Variants in MAGI2 observed in about 807,000 individuals in gnomAD.
MAGI2 encodes membrane-associated guanylate kinase, WW and PDZ domain-containing protein 2.
Under a neutral mutation model 133.3 loss-of-function variants are expected in MAGI2, and 35 were observed. That is an observed-to-expected ratio of 0.26 (90% confidence interval 0.20 to 0.35). The LOEUF is 0.35. MAGI2 is among the 10% of genes least tolerant of loss of function. The pLI is 1.00. For synonymous variants in MAGI2, 729 were observed against 710.6 expected, an observed-to-expected ratio of 1.03 and a Z score of -0.41; for missense variants, 1,636 against 1,863.4, an observed-to-expected ratio of 0.88 and a Z score of 2.25.
chr7:78,319,817 C>A (rs1787812946), intron 9 of MAGI2, among the ~76,000 whole-genome samples: 1 of 152,102 alleles, frequency 6.6e-6, no homozygotes, highest in African/African-American at 2.4e-5. Context: ...AAAAACCCTT[C>A]AAAAATATCA....
intron 6 of MAGI2, among the ~76,000 whole-genome samples, chr7:78,408,400 C>T (rs1797582716): frequency 6.6e-6 from 1 of 152,010 alleles, no homozygotes; most frequent in African/African-American, 2.4e-5. Flanking sequence ...TTCTCTCCTT[C>T]ACTGTATAGT....
chr7:78,221,779 A>C (rs1788854989), intron 10 of MAGI2, among the ~76,000 whole-genome samples: 1 of 151,588 alleles, frequency 6.6e-6, no homozygotes, highest in Admixed American at 6.6e-5. Context: ...GATCGTTTAA[A>C]GCCAAGAGTT....
intron 4 of MAGI2, among the ~76,000 whole-genome samples, chr7:78,502,037 C>A (rs1189799193): frequency 6.6e-6 from 1 of 152,058 alleles, no homozygotes; most frequent in Non-Finnish European, 1.5e-5. Flanking sequence ...ATGTAAGGAC[C>A]ATTTCATAAT....
intron 9 of MAGI2, among the ~76,000 whole-genome samples, chr7:78,331,855 T>G (rs1789237519): frequency 6.6e-6 from 1 of 152,204 alleles, no homozygotes. Flanking sequence ...TGAGCCTTAG[T>G]GCAAATTAAT....
intron 13 of MAGI2, among the ~76,000 whole-genome samples, chr7:78,184,861 T>C (rs1047073876): frequency 3.9e-5 from 6 of 152,232 alleles, no homozygotes; most frequent in African/African-American, 1.2e-4. Flanking sequence ...TGAAATATAG[T>C]ATTTTATAAT....
intron 2 of MAGI2, among the ~76,000 whole-genome samples, chr7:78,694,055 TAG>T (rs926945609): frequency 1.3e-5 from 2 of 152,244 alleles, no homozygotes; most frequent in African/African-American, 4.8e-5. Context: ...TTCCACAATA[TAG>T]AAGCTGCGTG....
intron 1 of MAGI2, among the ~76,000 whole-genome samples, chr7:79,352,273 A>G (rs998209714): frequency 1.3e-5 from 2 of 152,238 alleles, no homozygotes; most frequent in Non-Finnish European, 2.9e-5. Context: ...GAGAATGCAC[A>G]AACAGCTTTG....
At position 78,256,234 on chromosome 7, in the gene MAGI2, C is replaced by T. The variant is rs370187611; in HGVS notation, c.1756G>A (p.Val586Ile). Residue 586 changes from valine (V) to isoleucine (I), a missense_variant, in exon 10 of 22, where the codon GTC (valine) becomes ATC (isoleucine). Coordinates refer to ENST00000354212, the MANE Select transcript of MAGI2 (RefSeq NM_012301.4). ...GCCATAGACACATTGTCATCATGGACGGGCGGTGGATACGTGCCGTCTAGC... is the reference window on the plus strand; with the variant it reads ...GCCATAGACACATTGTCATCATGGATGGGCGGTGGATACGTGCCGTCTAGC... ...GQLDGTYPPP[V>I]HDDNVSMASS... is the part of the protein sequence containing the mutation. 37 of 1,614,010 alleles carry T rather than the reference C, an allele frequency of 2.3e-5. No individual in the cohort carries two copies. Among genetic ancestry groups the T allele is most frequent in the Admixed American group, 3.3e-5 (2 of 60,012 alleles).
chr7:78,709,660 T>C (rs1050669648), intron 2 of MAGI2, among the ~76,000 whole-genome samples: 1 of 152,230 alleles, frequency 6.6e-6, no homozygotes, highest in African/African-American at 2.4e-5. Flanking sequence ...GGAGCTTAGT[T>C]GAAATAGGCC....
intron 2 of MAGI2, among the ~76,000 whole-genome samples, chr7:78,944,136 T>C (rs936544191): frequency 6.6e-6 from 1 of 152,136 alleles, no homozygotes; most frequent in African/African-American, 2.4e-5. Context: ...ACTTAGACAA[T>C]ATGGTAGGTT....
At chr7:78,914,858 A>G (rs1798669726) in intron 2 of MAGI2, among the ~76,000 whole-genome samples, 1 of 152,156 alleles carries the variant, frequency 6.6e-6, no homozygotes, top group Non-Finnish European at 1.5e-5. Flanking sequence ...TAACTTGACA[A>G]TGTCAAAGAG....
At chr7:78,916,758 T>C (rs1379401794) in intron 2 of MAGI2, among the ~76,000 whole-genome samples, 1 of 152,014 alleles carries the variant, frequency 6.6e-6, no homozygotes, top group Non-Finnish European at 1.5e-5. Flanking sequence ...AAAAAAGAAG[T>C]GAAGTTAGAA....
intron 2 of MAGI2, among the ~76,000 whole-genome samples, chr7:78,781,104 C>A (rs1165222628): frequency 6.6e-6 from 1 of 152,102 alleles, no homozygotes; most frequent in East Asian, 1.9e-4. Flanking sequence ...GATGGCCGGG[C>A]AGGGTGGCTC....
chr7:79,047,024 A>G (rs1030082009), intron 1 of MAGI2, among the ~76,000 whole-genome samples: 1 of 152,170 alleles, frequency 6.6e-6, no homozygotes, highest in Non-Finnish European at 1.5e-5. Flanking sequence ...GTTCATTTTG[A>G]ATGAATATAT....
chr7:78,558,171 G>C (rs572016898), intron 3 of MAGI2, among the ~76,000 whole-genome samples: 2 of 152,246 alleles, frequency 1.3e-5, no homozygotes, highest in Admixed American at 6.5e-5. Flanking sequence ...AAGTTGCTAT[G>C]AAATAAACAA....
At chr7:78,338,723 T>G (rs1432967282) in intron 9 of MAGI2, among the ~76,000 whole-genome samples, 2 of 152,214 alleles carry the variant, frequency 1.3e-5, no homozygotes, top group African/African-American at 4.8e-5. Flanking sequence ...AGGTAAACAT[T>G]TTATATTTTT....
chr7:78,462,149 G>T (rs1790128154), intron 6 of MAGI2, among the ~76,000 whole-genome samples: 1 of 152,024 alleles, frequency 6.6e-6, no homozygotes, highest in African/African-American at 2.4e-5. Context: ...TGAAGCATAT[G>T]TTGTGCCTTG....
chr7:78,945,494 T>C (rs1410830093), intron 2 of MAGI2, among the ~76,000 whole-genome samples: 1 of 152,220 alleles, frequency 6.6e-6, no homozygotes, highest in Non-Finnish European at 1.5e-5. Context: ...TAGGTGTAAT[T>C]CTTGTGGTAA....
rs140820910 is a variant in MAGI2, at chr7:78,816,142, T to G, written c.419-188903A>C. On this transcript the variant is annotated intron_variant, in intron 2 of 21. Transcript: ENST00000354212. ...ATGGTAAAAGTTTGAGTTGTCTGGA[T>G]AGAAGATTCCACCAGCTACATTTGC... 8.7e-3 allele frequency among the ~76,000 whole-genome samples: 1,325 copies of G among 152,314 alleles called. 12 individuals are homozygous for G. Among genetic ancestry groups the G allele is most frequent in the Non-Finnish European group, 0.011 (757 of 68,018 alleles).
Sources: gnomAD v4.1 joint callset for allele counts (sites outside exome capture counted in the v4.1 genomes callset) on GRCh38, gnomAD v4.1.1 for gene constraint, MANE v1.5 for transcripts, NCBI Gene and HGNC (gene_info 2026-07-23, HGNC 2026-07-21) for gene names.